HIGD1C: variants seen among roughly 807,000 people sequenced by gnomAD.
The protein encoded by HIGD1C is HIG1 domain family member 1C.
A neutral mutation model predicts 13.1 loss-of-function variants in HIGD1C; 11 were observed. The observed-to-expected ratio is 0.84, with a 90% CI of 0.53 to 1.39. HIGD1C has a LOEUF of 1.39. HIGD1C is among the 40% of genes most tolerant of loss of function. The pLI is 0.00. For synonymous variants in HIGD1C, 36 were observed against 37.7 expected (o/e 0.95, Z 0.17); for missense variants, 110 against 112.0 (o/e 0.98, Z 0.08).
chr12:50,939,224 T>G, the HIGD1C span, among the ~76,000 whole-genome samples: 3 of 152,216 alleles, frequency 2.0e-5, no homozygotes, highest in African/African-American at 7.2e-5. Context: ...CTTGGCTCAC[T>G]GCAACTTCTA....
At chr12:50,952,202 G>T (rs1938923042), upstream of HIGD1C, among the ~76,000 whole-genome samples, 1 of 150,898 alleles carries the variant, frequency 6.6e-6, no homozygotes. Flanking sequence ...TATAATAAAA[G>T]AATGCCCCAA....
chr12:50,956,353 C>T, intron 1 of HIGD1C, among the ~76,000 whole-genome samples: 1 of 152,132 alleles, frequency 6.6e-6, no homozygotes, highest in East Asian at 1.9e-4. Context: ...GATTGCGCCA[C>T]TGCACTCCAG....
rs1232852228 is a variant in HIGD1C at position 50,969,715 on chromosome 12, AC to A, written c.230-726del. The stretch of plus-strand genomic sequence containing the variant: ...AAGACTCCATCTCAAAAAAAAAAAA[AC>A]AAAAACAAAACGTCATACTTACAAT... On this transcript the variant is annotated intron_variant, in intron 2 of 2. Transcript: ENST00000398455. Among the ~76,000 whole-genome samples, 62 of 150,996 alleles carry A rather than the reference AC, an allele frequency of 4.1e-4. 1 individual carries two copies. Among genetic ancestry groups the A allele is most frequent in the South Asian group, 1.7e-3 (8 of 4,750 alleles).
chr12:50,970,354 G>T (rs1939717654), intron 2 of HIGD1C, 88 bp from the exon 5 acceptor site: 1 of 747,542 alleles, frequency 1.3e-6, no homozygotes, highest in South Asian at 1.6e-5. Flanking sequence ...TAAATTGTGG[G>T]CTAGTTTCAT....
chr12:50,959,575 A>G (rs903003995), intron 1 of HIGD1C, among the ~76,000 whole-genome samples: 55 of 152,282 alleles, frequency 3.6e-4, no homozygotes, highest in African/African-American at 1.3e-3. Flanking sequence ...TCTTCTCTAT[A>G]CCAATAAGTT....
upstream of HIGD1C, among the ~76,000 whole-genome samples, chr12:50,950,583 A>G (rs1592244225): frequency 6.6e-6 from 1 of 151,502 alleles, no homozygotes; most frequent in African/African-American, 2.4e-5. Context: ...GCTCGTTGCA[A>G]CCTCCACCTC....
At chr12:50,960,194 A>G (rs1222160510) in intron 1 of HIGD1C, among the ~76,000 whole-genome samples, 4 of 152,176 alleles carry the variant, frequency 2.6e-5, no homozygotes, top group Admixed American at 6.5e-5. Flanking sequence ...TCTTGTGCAT[A>G]TATTCATACC....
the HIGD1C span, among the ~76,000 whole-genome samples, chr12:50,935,882 G>T: frequency 6.6e-6 from 1 of 152,174 alleles, no homozygotes; most frequent in Non-Finnish European, 1.5e-5. Context: ...ACACTGCCGG[G>T]CACAGTGGCT....
intron 1 of HIGD1C, among the ~76,000 whole-genome samples, chr12:50,956,483 G>C (rs896352910): frequency 6.6e-6 from 1 of 152,196 alleles, no homozygotes; most frequent in African/African-American, 2.4e-5. Flanking sequence ...CTACAGGATG[G>C]AGGGTCCTAT....
chr12:50,943,668 C>A, the HIGD1C span, among the ~76,000 whole-genome samples: 13 of 152,016 alleles, frequency 8.6e-5, no homozygotes, highest in East Asian at 2.3e-3. Flanking sequence ...CGAGATCGCG[C>A]CACTGCACTC....
chr12:50,964,271 A>T (rs1350754056), intron 2 of HIGD1C, among the ~76,000 whole-genome samples: 7 of 152,184 alleles, frequency 4.6e-5, no homozygotes, highest in African/African-American at 1.7e-4. Flanking sequence ...ATCTATATTC[A>T]TCCACTACAC....
intron 2 of HIGD1C, among the ~76,000 whole-genome samples, chr12:50,964,991 G>C (rs910924450): frequency 1.3e-5 from 2 of 152,158 alleles, no homozygotes; most frequent in African/African-American, 4.8e-5. Flanking sequence ...CCAAAGTGTT[G>C]GGATTACAGG....
At chr12:50,953,246 G>T (rs4768869), upstream of HIGD1C, among the ~76,000 whole-genome samples, 1 of 152,118 alleles carries the variant, frequency 6.6e-6, no homozygotes, top group Non-Finnish European at 1.5e-5. Context: ...AGCAGGTGGC[G>T]GGGTGTGCCA....
intron 2 of HIGD1C, among the ~76,000 whole-genome samples, chr12:50,961,722 T>C (rs980794074): frequency 2.6e-5 from 4 of 152,212 alleles, no homozygotes; most frequent in South Asian, 2.1e-4. Flanking sequence ...CCTAAATTAA[T>C]CTAAATTTGT....
At chr12:50,968,326 C>T (rs1939623388) in intron 2 of HIGD1C, among the ~76,000 whole-genome samples, 1 of 152,120 alleles carries the variant, frequency 6.6e-6, no homozygotes, top group African/African-American at 2.4e-5. Flanking sequence ...CAGATGAGAA[C>T]TTGTCAGACT....
At chr12:50,937,035 T>C in the HIGD1C span, among the ~76,000 whole-genome samples, 7 of 152,234 alleles carry the variant, frequency 4.6e-5, no homozygotes, top group African/African-American at 1.7e-4. Flanking sequence ...TTCTTCTTTG[T>C]TTCTTCTACA....
At chr12:50,968,631 TC>T (rs1305465930) in intron 2 of HIGD1C, among the ~76,000 whole-genome samples, 1 of 152,066 alleles carries the variant, frequency 6.6e-6, no homozygotes, top group Non-Finnish European at 1.5e-5. Flanking sequence ...AACCTCCACC[TC>T]CCAGGTTCAA....
exon 1 of HIGD1C, chr12:50,953,958 AC>A (rs1417412277): frequency 6.8e-6 from 8 of 1,174,780 alleles, no homozygotes; most frequent in Admixed American, 1.8e-5. Flanking sequence ...TTAATGATTC[AC>A]GGCAACCACA....
At chr12:50,970,871 CTTTATTTTAT>C (rs141979850), downstream of HIGD1C, among the ~76,000 whole-genome samples, 10 of 151,400 alleles carry the variant, frequency 6.6e-5, no homozygotes, top group South Asian at 2.1e-3. Flanking sequence ...CTTCTCTTTT[CTTTATTTTAT>C]TTTATTTTAT....
Sources: allele counts gnomAD v4.1 joint callset (sites outside exome capture counted in the v4.1 genomes callset), GRCh38; gene constraint gnomAD v4.1.1; transcripts MANE v1.5; gene names NCBI Gene and HGNC (gene_info 2026-07-23, HGNC 2026-07-21).